MAP1S: variants seen among roughly 807,000 people sequenced by gnomAD.
The protein encoded by MAP1S is microtubule associated protein 1S.
In MAP1S, 27 loss-of-function variants were observed where a neutral mutation model predicts 60.9. That is an observed-to-expected ratio of 0.44 (90% confidence interval 0.33 to 0.61). The LOEUF is 0.61. Ranked by LOEUF, MAP1S falls within the 20% of genes least tolerant of loss-of-function variation. The pLI is 0.03. For missense variants in MAP1S, 1,608 were observed against 1,486.6 expected (o/e 1.08, Z -1.34); for synonymous variants, 826 against 694.2 (o/e 1.19, Z -2.98).
chr19:17,722,021 C>A (rs938103592), intron 2 of MAP1S, among the ~76,000 whole-genome samples: 4 of 152,134 alleles, frequency 2.6e-5, no homozygotes, highest in Non-Finnish European at 4.4e-5. Flanking sequence ...CCCAGTTGGT[C>A]CTTGTGGCTT....
At chr19:17,731,203 C>T (rs2080490656) in intron 5 of MAP1S, among the ~76,000 whole-genome samples, 1 of 152,162 alleles carries the variant, frequency 6.6e-6, no homozygotes, top group Admixed American at 6.5e-5. Flanking sequence ...TCAAATCCAA[C>T]AGTGAGAAGC....
At chr19:17,722,768 AGG>A (rs2080382165) in intron 2 of MAP1S, among the ~76,000 whole-genome samples, 2 of 84,710 alleles carry the variant, frequency 2.4e-5, no homozygotes, top group African/African-American at 4.5e-5. Flanking sequence ...AGAGAGAGAG[AGG>A]GAGGGAGGGA....
At chr19:17,720,818 G>C (rs2080363839) in intron 1 of MAP1S, 118 bp from the exon 2 acceptor site, 1 of 801,956 alleles carries the variant, frequency 1.2e-6, no homozygotes. Context: ...GAGTCTCCAA[G>C]CTGTGAGTGA....
chr19:17,733,459 A>C (rs2145982652), intron 6 of MAP1S, 31 bp downstream of exon 6: 1 of 1,532,572 alleles, frequency 6.5e-7, no homozygotes, highest in East Asian at 2.3e-5. Context: ...TCTGGTGGTA[A>C]GTGTAGTTAG....
chr19:17,726,804 G>A lies in MAP1S; in HGVS notation c.1420G>A (p.Glu474Lys), dbSNP rs778749235. 12 of 1,557,878 alleles carry A rather than the reference G, an allele frequency of 7.7e-6. No homozygotes were observed. The highest frequency in any genetic ancestry group is 1.9e-5 in the Admixed American group (1 of 51,710). The change falls in exon 5 of 7, where the codon GAG (glutamate) becomes AAG (lysine). Residue 474 changes from glutamate to lysine, a missense_variant. Around this residue, in one of 4 missense-constraint regions of MAP1S, gnomAD observed 1,167 missense variants for 961.4 expected, o/e 1.21. Transcript: ENST00000324096. ...LEGPGRAESK[E>K]SVGSRDSSKR... Reference sequence around the variant, plus strand: ...GGGGCCGGGGCGAGCCGAGAGCAAAGAGAGCGTGGGCTCCCGGGACAGCTC... The same window carrying A: ...GGGGCCGGGGCGAGCCGAGAGCAAAAAGAGCGTGGGCTCCCGGGACAGCTC...
chr19:17,720,461 G>T, intron 1 of MAP1S: 1 of 1,531,872 alleles, frequency 6.5e-7, no homozygotes, highest in Non-Finnish European at 8.7e-7. Context: ...CAAAGCGAGT[G>T]AGGAGATGGA....
intron 1 of MAP1S, chr19:17,720,326 G>A: frequency 6.7e-7 from 1 of 1,488,044 alleles, no homozygotes; most frequent in Non-Finnish European, 8.9e-7. Flanking sequence ...CTCGGTTCAT[G>A]TGCTTGAGGA....
rs1308189142 is a variant in MAP1S at position 17,726,223 on chromosome 19, G to A, written c.839G>A (p.Arg280Gln). The change falls in exon 5 of 7, where the codon CGG (arginine) becomes CAG (glutamine). Residue 280 changes from arginine to glutamine, a missense_variant. Around this residue, in one of 4 missense-constraint regions of MAP1S, gnomAD observed 320 missense variants for 393.1 expected, o/e 0.81. Transcript: ENST00000324096. The part of the protein sequence containing the change: ...NPKSSFWKLV[R>Q]HLDRVDAVLV... ...AAGTCCAGTTTCTGGAAGCTGGTGC[G>A]GCACCTGGACCGCGTGGATGCCGTG... The A allele has an allele frequency of 5.0e-6, 8 of 1,609,960 alleles. No homozygotes were observed. Among genetic ancestry groups the A allele is most frequent in the East Asian group, 2.2e-5 (1 of 44,644 alleles).
Position 17,727,100 on chromosome 19 carries a change from C to T in MAP1S, c.1716C>T (p.Gly572=). ...PRKAPSTSHS[G]FPPVANGPRS... is the part of the protein sequence containing the mutation. ...AAGCGCCCAGCACGTCCCACTCTGG[C>T]TTCCCGCCGGTGGCAAATGGACCCC... The change falls in exon 5 of 7, where the codon GGC becomes GGT. Residue 572 remains glycine, a synonymous_variant. Coordinates refer to ENST00000324096, the MANE Select transcript of MAP1S (RefSeq NM_018174.6). This position sits in a 1 kb window ranked among gnomAD's most constrained non-coding sequence, Gnocchi z 4.1. 1 of 1,597,766 alleles carries T rather than the reference C, an allele frequency of 6.3e-7. No homozygotes were observed. The highest frequency in any genetic ancestry group is 8.5e-7 in the Non-Finnish European group (1 of 1,173,784).
chr19:17,727,615 A>T lies in MAP1S; in HGVS notation c.2231A>T (p.Glu744Val), dbSNP rs1388584019. 6.2e-7 allele frequency: 1 copy of T among 1,607,526 alleles called. No individual in the cohort carries two copies. Among genetic ancestry groups the T allele is most frequent in the African/African-American group, 1.3e-5 (1 of 74,852 alleles). ...DVDLCLVSPC[E>V]FEHRKAVPMA... is the part of the protein sequence containing the mutation. The stretch of plus-strand genomic sequence containing the variant: ...GACCTGTGCCTGGTGTCACCCTGTG[A>T]ATTTGAGCATCGCAAGGCGGTGCCA... Residue 744 changes from glutamate (E) to valine (V), a missense_variant, in exon 5 of 7, where the codon GAA (glutamate) becomes GTA (valine). Glu to Val is a moderately radical substitution (Grantham distance 121, BLOSUM62 -2). Around this residue, in one of 4 missense-constraint regions of MAP1S, gnomAD observed 1,167 missense variants for 961.4 expected, o/e 1.21. Coordinates refer to ENST00000324096, the MANE Select transcript of MAP1S (RefSeq NM_018174.6). The surrounding 1 kb of genome is among the most constrained non-coding windows in gnomAD (Gnocchi z 4.1).
At chr19:17,724,997 T>C in intron 3 of MAP1S, 52 bp from the exon 4 acceptor site, 1 of 1,611,756 alleles carries the variant, frequency 6.2e-7, no homozygotes. Flanking sequence ...AGAGGACTGC[T>C]GGATACGTCA....
intron 5 of MAP1S, among the ~76,000 whole-genome samples, chr19:17,728,510 A>G: frequency 6.6e-6 from 1 of 151,208 alleles, no homozygotes; most frequent in East Asian, 1.9e-4. Context: ...CAGCCTCCCA[A>G]AGTGTTGGGA....
intron 5 of MAP1S, among the ~76,000 whole-genome samples, chr19:17,730,882 C>A (rs540141018): frequency 6.8e-6 from 1 of 147,094 alleles, no homozygotes; most frequent in Non-Finnish European, 1.5e-5. Context: ...GATTTTTTTT[C>A]TTTTTTCTTT....
At chr19:17,720,636 G>A in intron 1 of MAP1S, 2 of 900,042 alleles carry the variant, frequency 2.2e-6, no homozygotes, top group East Asian at 2.7e-5. Context: ...GGAAACAGCT[G>A]TTGCAAGGGC....
At position 17,727,704 on chromosome 19, in the gene MAP1S, G is replaced by C; in HGVS notation, c.2320G>C (p.Ala774Pro). 1 of 1,608,554 alleles carries C rather than the reference G, an allele frequency of 6.2e-7. No homozygotes were observed. Among genetic ancestry groups the C allele is most frequent in the Non-Finnish European group, 8.5e-7 (1 of 1,178,538 alleles). The change falls in exon 5 of 7, where the codon GCA becomes CCA. Residue 774 changes from alanine (A) to proline (P), a missense_variant. Coordinates refer to ENST00000324096, the MANE Select transcript of MAP1S (RefSeq NM_018174.6). The surrounding 1 kb of genome is among the most constrained non-coding windows in gnomAD (Gnocchi z 4.1). ...NDSSARSQER[A>P]GGLGAEETPP... ...CAGCAGTGCCCGGTCACAGGAACGG[G>C]CAGGTGGGCTGGGGGCCGAGGAGAC...
chr19:17,724,240 G>A (rs1375138564), intron 3 of MAP1S, 32 bp downstream of exon 3: 1 of 1,580,168 alleles, frequency 6.3e-7, no homozygotes, highest in Non-Finnish European at 8.7e-7. Flanking sequence ...GGAGGGGGCG[G>A]GCTGCTGGGA....
chr19:17,727,802 G>A lies in MAP1S; in HGVS notation c.2418G>A (p.Ala806=). ...ATCCCGTGCCCCTGGCCCCCGGTGC[G>A]GCAGACTCAGACGAAGACACAGAGG... ...DSDPVPLAPG[A]ADSDEDTEGF... is the part of the protein sequence containing the mutation. The change falls in exon 5 of 7, where the codon GCG becomes GCA. Residue 806 remains alanine, a synonymous_variant. Coordinates refer to ENST00000324096, the MANE Select transcript of MAP1S (RefSeq NM_018174.6). The surrounding 1 kb of genome is among the most constrained non-coding windows in gnomAD (Gnocchi z 4.1). 3.7e-6 allele frequency: 6 copies of A among 1,612,460 alleles called. No individual in the cohort carries two copies. The South Asian group carries it at 5.5e-5, about 15-fold the overall frequency.
chr19:17,731,692 G>A (rs1220273292), intron 5 of MAP1S, among the ~76,000 whole-genome samples: 2 of 152,198 alleles, frequency 1.3e-5, no homozygotes, highest in African/African-American at 4.8e-5. Context: ...TTGAGATGGA[G>A]TCTCACTCTG....
At position 17,727,248 on chromosome 19, in the gene MAP1S, A is replaced by T; in HGVS notation, c.1864A>T (p.Lys622Ter). ...ELGPIPAGEEKALELPLAASS... is the reference protein window; with the variant it reads ...ELGPIPAGEE ...GGGGCCGATCCCAGCCGGGGAGGAG[A>T]AGGCACTGGAGCTGCCTTTGGCCGC... The change falls in exon 5 of 7, where the codon AAG (lysine) becomes TAG (stop). Residue 622 changes from lysine to a stop codon, truncating the protein, a stop_gained. Transcript: ENST00000324096. LOFTEE classifies it high-confidence loss of function. This position sits in a 1 kb window ranked among gnomAD's most constrained non-coding sequence, Gnocchi z 4.1. The T allele has an allele frequency of 6.4e-7, 1 of 1,571,174 alleles. No individual in the cohort carries two copies. The highest frequency in any genetic ancestry group is 8.6e-7 in the Non-Finnish European group (1 of 1,163,780).
Sources: allele counts gnomAD v4.1 joint callset (sites outside exome capture counted in the v4.1 genomes callset), GRCh38; gene constraint gnomAD v4.1.1; regional missense constraint gnomAD v4.1.1; non-coding constraint Gnocchi (gnomAD v3.1); transcripts MANE v1.5; gene names NCBI Gene and HGNC (gene_info 2026-07-23, HGNC 2026-07-21).